The following MSI2 variants were observed in gnomAD, a reference collection of about 807,000 sequenced individuals.
MSI2 encodes the protein RNA-binding protein Musashi homolog 2.
MSI2 carries 17 observed loss-of-function variants against 45.6 expected under a neutral mutation model. That is an observed-to-expected ratio of 0.37 (90% confidence interval 0.26 to 0.56). The LOEUF is 0.56. Among genes scored for constraint, MSI2 ranks in the 20% least tolerant of loss-of-function variants. MSI2 has a pLI of 0.77. For synonymous variants in MSI2, 156 were observed against 158.2 expected, an observed-to-expected ratio of 0.99 and a Z score of 0.11; for missense variants, 293 against 444.2, an observed-to-expected ratio of 0.66 and a Z score of 3.06.
intron 5 of MSI2, chr17:57,278,332 G>A (rs1909063676): frequency 6.6e-6 from 1 of 152,396 alleles, no homozygotes; most frequent in African/African-American, 2.4e-5. Context: ...GGACTTAGCT[G>A]ATGAAGTGCT....
intron 5 of MSI2, among the ~76,000 whole-genome samples, chr17:57,376,730 C>A (rs941820222): frequency 2.6e-5 from 4 of 152,142 alleles, no homozygotes; most frequent in Admixed American, 2.6e-4. Context: ...ATAGCGTCTT[C>A]CTCTTTTGGG....
chr17:57,616,372 C>A (rs1206466185), intron 9 of MSI2: 2 of 231,038 alleles, frequency 8.7e-6, no homozygotes, highest in South Asian at 3.0e-4. Context: ...TCTTTTCCAT[C>A]TCCTTCCTCA....
chr17:57,283,870 C>G (rs4239208), intron 5 of MSI2, among the ~76,000 whole-genome samples: 84,633 of 152,076 alleles, frequency 0.56, 25,424 homozygotes, highest in Middle Eastern at 0.69. Context: ...GTGGCAGGTG[C>G]GTGGGGACGC....
intron 6 of MSI2, among the ~76,000 whole-genome samples, chr17:57,470,871 T>C (rs1230593559): frequency 6.6e-6 from 1 of 152,214 alleles, no homozygotes; most frequent in African/African-American, 2.4e-5. Flanking sequence ...CTCAGTTCCC[T>C]TATCTGCAAA....
At chr17:57,506,852 A>T (rs2086240262) in intron 6 of MSI2, among the ~76,000 whole-genome samples, 1 of 152,044 alleles carries the variant, frequency 6.6e-6, no homozygotes, top group South Asian at 2.1e-4. Context: ...CTTAAATCTC[A>T]TGAAGACAGA....
chr17:57,307,482 T>G (rs1291925945), intron 5 of MSI2, among the ~76,000 whole-genome samples: 3 of 151,410 alleles, frequency 2.0e-5, no homozygotes, highest in Non-Finnish European at 4.4e-5. Context: ...TGGAGTGCAG[T>G]GGTGCAATCT....
chr17:57,551,569 G>A (rs1338788152), intron 7 of MSI2, among the ~76,000 whole-genome samples: 2 of 152,080 alleles, frequency 1.3e-5, no homozygotes, highest in African/African-American at 4.8e-5. Context: ...CCGAGCCCCA[G>A]GTGCACCCAT....
chr17:57,599,697 TG>T (rs1309811640), intron 8 of MSI2, among the ~76,000 whole-genome samples: 2 of 152,212 alleles, frequency 1.3e-5, no homozygotes, highest in African/African-American at 4.8e-5. Flanking sequence ...TGACAGGCTT[TG>T]GAGGTGTTGG....
chr17:57,395,106 T>C (rs1294971158), intron 5 of MSI2, among the ~76,000 whole-genome samples: 1 of 152,222 alleles, frequency 6.6e-6, no homozygotes, highest in African/African-American at 2.4e-5. Flanking sequence ...TGCAGGCACA[T>C]CACTCAAGGC....
Position 57,683,620 on chromosome 17 carries a change from T to C in MSI2, c.*4103T>C. ...ACTAACTCATACTTCTCTTTATTGG[T>C]TGCAAGTGGCACGCAGGAACAGAGG... On this transcript the variant is annotated 3_prime_UTR_variant, in exon 14 of 14. Coordinates refer to ENST00000284073, the MANE Select transcript of MSI2 (RefSeq NM_138962.4). The surrounding 1 kb of genome is among the most constrained non-coding windows in gnomAD (Gnocchi z 5.2). 4.3e-6 allele frequency: 1 copy of C among 231,712 alleles called. No homozygotes were observed. The highest frequency in any genetic ancestry group is 8.5e-6 in the Non-Finnish European group (1 of 117,114). 14.4% of individuals were successfully genotyped at this position (231,712 alleles called of 1,614,324 possible). A position where few individuals can be genotyped will look rare whatever the true frequency, so the allele number is the denominator to read the frequency against.
At chr17:57,338,633 G>T (rs1914882489) in intron 5 of MSI2, among the ~76,000 whole-genome samples, 1 of 152,192 alleles carries the variant, frequency 6.6e-6, no homozygotes, top group Non-Finnish European at 1.5e-5. Context: ...GCGGGCTGGT[G>T]TTAATTCACT....
intron 5 of MSI2, among the ~76,000 whole-genome samples, chr17:57,272,034 T>G (rs1908424654): frequency 6.6e-6 from 1 of 151,994 alleles, no homozygotes; most frequent in Admixed American, 6.6e-5. Context: ...ATTAATGAGG[T>G]GACCGCTCTG....
At chr17:57,604,056 G>A (rs1030721422) in intron 8 of MSI2, among the ~76,000 whole-genome samples, 1 of 152,232 alleles carries the variant, frequency 6.6e-6, no homozygotes, top group Non-Finnish European at 1.5e-5. Context: ...GTCAGAACAG[G>A]GTGCTGTCAA....
At chr17:57,281,491 C>G (rs1313114941) in intron 5 of MSI2, among the ~76,000 whole-genome samples, 1 of 152,178 alleles carries the variant, frequency 6.6e-6, no homozygotes, top group Non-Finnish European at 1.5e-5. Context: ...CAGATCCCTT[C>G]CAGCAAATTG....
intron 6 of MSI2, among the ~76,000 whole-genome samples, chr17:57,421,738 T>A (rs999711977): frequency 2.0e-5 from 3 of 152,148 alleles, no homozygotes; most frequent in African/African-American, 4.8e-5. Flanking sequence ...GTGCCTGTAC[T>A]CCTAGCTACA....
intron 6 of MSI2, among the ~76,000 whole-genome samples, chr17:57,477,136 A>G (rs1269732158): frequency 6.9e-6 from 1 of 144,316 alleles, no homozygotes; most frequent in Non-Finnish European, 1.5e-5. Flanking sequence ...CTGTTGGTCC[A>G]TAAGGCCTGG....
chr17:57,581,204 G>T (rs531262678), intron 7 of MSI2, among the ~76,000 whole-genome samples: 221 of 151,850 alleles, frequency 1.5e-3, no homozygotes, highest in Non-Finnish European at 2.4e-3. Flanking sequence ...GTAGAGATGG[G>T]GTTTCACCAT....
intron 7 of MSI2, among the ~76,000 whole-genome samples, chr17:57,540,860 CT>C (rs1244265956): frequency 6.6e-6 from 1 of 152,182 alleles, no homozygotes; most frequent in African/African-American, 2.4e-5. Context: ...TTTGTGGTAG[CT>C]TGTTATGGCA....
chr17:57,557,266 G>A (rs1258564920), intron 7 of MSI2, among the ~76,000 whole-genome samples: 1 of 152,190 alleles, frequency 6.6e-6, no homozygotes, highest in Non-Finnish European at 1.5e-5. Context: ...ACTTACATGG[G>A]ACAGCCAGGG....
Sources: allele counts gnomAD v4.1 joint callset (sites outside exome capture counted in the v4.1 genomes callset), GRCh38; gene constraint gnomAD v4.1.1; non-coding constraint Gnocchi (gnomAD v3.1); transcripts MANE v1.5; gene names NCBI Gene and HGNC (gene_info 2026-07-23, HGNC 2026-07-21).